The following RABGAP1L variants were observed in gnomAD, a reference collection of about 807,000 sequenced individuals.
RABGAP1L encodes RAB GTPase activating protein 1 like, also known as rab GTPase-activating protein 1-like.
RABGAP1L carries 63 observed loss-of-function variants against 137.7 expected under a neutral mutation model. The observed-to-expected ratio is 0.46, with a 90% confidence interval of 0.37 to 0.56. The LOEUF is 0.56. RABGAP1L is among the 20% of genes least tolerant of loss of function. RABGAP1L has a pLI of 0.00. For missense variants in RABGAP1L, 1,095 were observed against 1,244.0 expected, an observed-to-expected ratio of 0.88 and a Z score of 1.80; for synonymous variants, 431 against 433.7, an observed-to-expected ratio of 0.99 and a Z score of 0.08.
chr1:174,959,013 C>T (rs1050284984), intron 20 of RABGAP1L, among the ~76,000 whole-genome samples: 3 of 152,146 alleles, frequency 2.0e-5, no homozygotes, highest in Non-Finnish European at 2.9e-5. Context: ...AGAATAATGC[C>T]ACCTTATGTG....
intron 20 of RABGAP1L, among the ~76,000 whole-genome samples, chr1:174,965,902 T>TTGCCCC (rs1349547857): frequency 2.6e-5 from 4 of 152,222 alleles, no homozygotes; most frequent in African/African-American, 9.7e-5. Flanking sequence ...ACCCTTGCCC[T>TTGCCCC]TGCCCCTTTA....
At chr1:174,198,103 C>T (rs1280461866) in intron 1 of RABGAP1L, among the ~76,000 whole-genome samples, 1 of 152,142 alleles carries the variant, frequency 6.6e-6, no homozygotes, top group Admixed American at 6.5e-5. Context: ...CTTATTATGA[C>T]TTAGAAACAC....
At chr1:174,272,639 T>C (rs1674653865) in intron 8 of RABGAP1L, among the ~76,000 whole-genome samples, 159 bp downstream of exon 8, 1 of 151,990 alleles carries the variant, frequency 6.6e-6, no homozygotes, top group African/African-American at 2.4e-5. Flanking sequence ...TAAAATTACT[T>C]GTGAAAGAGG....
chr1:174,841,805 T>C (rs1409861048), intron 19 of RABGAP1L, among the ~76,000 whole-genome samples: 1 of 151,638 alleles, frequency 6.6e-6, no homozygotes, highest in Non-Finnish European at 1.5e-5. Context: ...ATTGAAAAAA[T>C]AAATACTAAC....
chr1:174,278,892 A>G lies in RABGAP1L; in HGVS notation c.1323+113A>G, dbSNP rs1001604537. On this transcript the variant is annotated intron_variant, in intron 10 of 25. Transcript: ENST00000681986. ...GCAAAACAATACAATTCCTCAAAGA[A>G]ATCAAATGATATTTGAAGTCAACCA... The G allele has an allele frequency of 4.2e-6, 4 of 958,354 alleles. No homozygotes were observed. In the Middle Eastern group the frequency reaches 8.3e-4, roughly 200 times the overall value. 59.4% of individuals were successfully genotyped at this position (958,354 alleles called of 1,614,324 possible). A position where few individuals can be genotyped will look rare whatever the true frequency, so the allele number is the denominator to read the frequency against.
At chr1:174,357,246 T>A (rs1255268255) in intron 11 of RABGAP1L, among the ~76,000 whole-genome samples, 1 of 152,162 alleles carries the variant, frequency 6.6e-6, no homozygotes, top group Admixed American at 6.5e-5. Flanking sequence ...CTTCATACTT[T>A]CCCAAAGTCT....
At chr1:174,879,033 C>G (rs892414022) in intron 19 of RABGAP1L, among the ~76,000 whole-genome samples, 1 of 137,826 alleles carries the variant, frequency 7.3e-6, no homozygotes, top group Non-Finnish European at 1.5e-5. Flanking sequence ...TTCTCAGGTT[C>G]AAGTGATTCT....
intron 24 of RABGAP1L, among the ~76,000 whole-genome samples, chr1:174,987,849 G>A (rs938858256): frequency 4.0e-5 from 6 of 151,784 alleles, no homozygotes; most frequent in Admixed American, 2.0e-4. Context: ...TCATTCTCTC[G>A]CCCAGGCTGG....
intron 19 of RABGAP1L, among the ~76,000 whole-genome samples, chr1:174,856,933 A>G (rs1649415651): frequency 6.6e-6 from 1 of 152,138 alleles, no homozygotes; most frequent in South Asian, 2.1e-4. Context: ...TCTCCAAAAA[A>G]AAAAAAAGTT....
chr1:174,687,719 T>C (rs935390302), intron 15 of RABGAP1L, among the ~76,000 whole-genome samples: 1 of 152,336 alleles, frequency 6.6e-6, no homozygotes, highest in Middle Eastern at 3.4e-3. Context: ...CTATTGCTTC[T>C]TTTTGCTGCC....
At chr1:174,954,013 G>A (rs1192176803) in intron 19 of RABGAP1L, 2 of 152,158 alleles carry the variant, frequency 1.3e-5, no homozygotes, top group Non-Finnish European at 2.9e-5. Context: ...AACAATAAAT[G>A]TTAATTACCT....
intron 18 of RABGAP1L, among the ~76,000 whole-genome samples, chr1:174,759,283 T>TAAAAA (rs59159307): frequency 1.5e-5 from 2 of 130,686 alleles, no homozygotes; most frequent in African/African-American, 2.9e-5. Flanking sequence ...GTAATTTATT[T>TAAAAA]AAAAAAAAAA....
At chr1:174,701,673 G>A (rs1679659707) in intron 16 of RABGAP1L, among the ~76,000 whole-genome samples, 9 of 151,668 alleles carry the variant, frequency 5.9e-5, no homozygotes, top group Non-Finnish European at 2.9e-5. Flanking sequence ...AACCTGGGAG[G>A]CGGAGGTTGC....
chr1:174,447,899 C>A (rs1423561400), intron 13 of RABGAP1L, among the ~76,000 whole-genome samples: 1 of 125,814 alleles, frequency 7.9e-6, no homozygotes, highest in Non-Finnish European at 1.7e-5. Context: ...CGCCCCCCCC[C>A]CACCCCCCCG....
chr1:174,468,576 G>T (rs1042883492), intron 13 of RABGAP1L, among the ~76,000 whole-genome samples: 1 of 152,134 alleles, frequency 6.6e-6, no homozygotes, highest in Non-Finnish European at 1.5e-5. Context: ...AGCGTGGGCA[G>T]ATATTTTTGT....
At chr1:174,961,012 T>C (rs1027836581) in intron 20 of RABGAP1L, among the ~76,000 whole-genome samples, 1 of 152,204 alleles carries the variant, frequency 6.6e-6, no homozygotes, top group African/African-American at 2.4e-5. Context: ...AATGACTGCT[T>C]TATAGCCTTT....
chr1:174,286,411 G>A (rs1006663250), intron 10 of RABGAP1L, among the ~76,000 whole-genome samples: 1 of 151,790 alleles, frequency 6.6e-6, no homozygotes, highest in African/African-American at 2.4e-5. Flanking sequence ...CAGTTATAAT[G>A]CCTCTTCTTT....
chr1:174,532,192 AGTTTTTT>A (rs1355057527), intron 13 of RABGAP1L, among the ~76,000 whole-genome samples: 82 of 151,384 alleles, frequency 5.4e-4, no homozygotes, highest in African/African-American at 1.9e-3. Flanking sequence ...GGATCACAGG[AGTTTTTT>A]GTTTTTTGTT....
chr1:174,944,919 G>A (rs563524935), intron 19 of RABGAP1L, among the ~76,000 whole-genome samples: 48 of 152,068 alleles, frequency 3.2e-4, no homozygotes, highest in Non-Finnish European at 4.1e-4. Context: ...TGTATTTTTA[G>A]CAAGCGACAT....
Sources: allele counts gnomAD v4.1 joint callset (sites outside exome capture counted in the v4.1 genomes callset), GRCh38; gene constraint gnomAD v4.1.1; transcripts MANE v1.5; gene names NCBI Gene and HGNC (gene_info 2026-07-23, HGNC 2026-07-21).